The following ABCG8 variants were observed in gnomAD, a reference collection of about 807,000 sequenced individuals.
ABCG8 encodes the protein ATP-binding cassette sub-family G member 8.
In ABCG8, 81 loss-of-function variants were observed where a neutral mutation model predicts 71.3. The ratio of observed to expected loss-of-function variants is 1.14; its 90% CI spans 0.95 to 1.37. The LOEUF is 1.37. Among genes scored for constraint, ABCG8 ranks in the 40% most tolerant of loss-of-function variants. The pLI, the probability that ABCG8 is intolerant of heterozygous loss-of-function variation, is 0.00. For missense variants in ABCG8, 1,119 were observed against 866.2 expected (o/e 1.29, Z -3.66); for synonymous variants, 451 against 354.7 (o/e 1.27, Z -3.05).
chr2:43,876,066 C>T (rs1435854243), intron 11 of ABCG8, among the ~76,000 whole-genome samples: 1 of 152,178 alleles, frequency 6.6e-6, no homozygotes, highest in Non-Finnish European at 1.5e-5. Context: ...CCATACCATG[C>T]CACCTCCATA....
At chr2:43,862,087 GGTAAA>G in intron 6 of ABCG8, among the ~76,000 whole-genome samples, 1 of 149,978 alleles carries the variant, frequency 6.7e-6, no homozygotes, top group Middle Eastern at 3.6e-3. Context: ...TTACTCTCTT[GGTAAA>G]AATCTCACTA....
rs1232951681 is a variant in ABCG8 at position 43,872,081 on chromosome 2, A to G, written c.1070A>G (p.Asp357Gly). The stretch of plus-strand genomic sequence containing the variant: ...TTTCTAGAAAAAGTGCGTGACTTAG[A>G]TGACTTTCTATGGAAAGCAGAGACG... ...ALFLEKVRDL[D>G]DFLWKAETKD... is the part of the protein sequence containing the mutation. The change falls in exon 7 of 13, where the codon GAT becomes GGT. Residue 357 changes from aspartate (D) to glycine (G), a missense_variant. By Grantham distance (94) the Asp-to-Gly change is moderately conservative. Transcript: ENST00000272286. 1.2e-6 allele frequency: 2 copies of G among 1,614,004 alleles called. No individual in the cohort carries two copies. Among genetic ancestry groups the G allele is most frequent in the African/African-American group, 2.7e-5 (2 of 74,918 alleles).
chr2:43,859,898 A>C (rs1276713574), intron 6 of ABCG8, among the ~76,000 whole-genome samples: 27 of 151,358 alleles, frequency 1.8e-4, no homozygotes, highest in Non-Finnish European at 3.0e-5. Flanking sequence ...TCTGGATAGA[A>C]TTCTCATTCT....
intron 6 of ABCG8, among the ~76,000 whole-genome samples, chr2:43,861,881 A>G (rs151033893): frequency 8.3e-4 from 126 of 151,096 alleles, no homozygotes; most frequent in African/African-American, 2.9e-3. Flanking sequence ...TCTGCATTGA[A>G]ATCTCACTAT....
intron 6 of ABCG8, among the ~76,000 whole-genome samples, chr2:43,853,320 C>G (rs914141084): frequency 6.6e-5 from 10 of 152,298 alleles, no homozygotes; most frequent in East Asian, 5.8e-4. Flanking sequence ...CAGGGAATCT[C>G]TAGATGTGAA....
intron 6 of ABCG8, among the ~76,000 whole-genome samples, chr2:43,870,881 T>C (rs1669741492): frequency 6.6e-6 from 1 of 151,446 alleles, no homozygotes; most frequent in Non-Finnish European, 1.5e-5. Context: ...TCTCATTAGA[T>C]CTCTCACTGT....
At chr2:43,843,835 G>T (rs529355884) in intron 1 of ABCG8, among the ~76,000 whole-genome samples, 1 of 151,956 alleles carries the variant, frequency 6.6e-6, no homozygotes, top group African/African-American at 2.4e-5. Flanking sequence ...CCACCACTTC[G>T]ACAATAACAA....
At chr2:43,857,989 T>TGG (rs1669172215) in intron 6 of ABCG8, among the ~76,000 whole-genome samples, 2 of 150,914 alleles carry the variant, frequency 1.3e-5, no homozygotes, top group East Asian at 2.0e-4. Flanking sequence ...ACTATCTATC[T>TGG]ATAGAATTCT....
intron 6 of ABCG8, among the ~76,000 whole-genome samples, chr2:43,859,484 C>T (rs776344686): frequency 1.4e-5 from 2 of 148,094 alleles, no homozygotes; most frequent in South Asian, 4.3e-4. Context: ...TCTCACTCTG[C>T]ATAGAACTCT....
chr2:43,855,018 G>A lies in ABCG8; in HGVS notation c.964+2150G>A, dbSNP rs1035662571. On this transcript the variant is annotated intron_variant, in intron 6 of 12. Coordinates refer to ENST00000272286, the MANE Select transcript of ABCG8 (RefSeq NM_022437.3). Reference sequence around the variant, plus strand: ...GTGAGAAATCTACCTGAAGTTGGCCGGTCCCTAGAACCCTCCAGCCAGACA... The same window carrying A: ...GTGAGAAATCTACCTGAAGTTGGCCAGTCCCTAGAACCCTCCAGCCAGACA... 9.2e-5 allele frequency among the ~76,000 whole-genome samples: 14 copies of A among 152,174 alleles called. No homozygotes were observed. The South Asian group carries it at 1.7e-3, about 18-fold the overall frequency.
intron 1 of ABCG8, 95 bp downstream of exon 1, chr2:43,839,211 C>A: frequency 1.5e-6 from 2 of 1,317,530 alleles, no homozygotes; most frequent in Non-Finnish European, 2.1e-6. Context: ...GTCCTAGCAC[C>A]ACCCGGACAT....
chr2:43,845,121 A>ATATAAT (rs1553376737), intron 2 of ABCG8, among the ~76,000 whole-genome samples: 9 of 133,118 alleles, frequency 6.8e-5, no homozygotes, highest in South Asian at 2.4e-4. Context: ...TATATATATA[A>ATATAAT]TTTTTTTTTT....
rs4953029 is a variant in ABCG8 at position 43,882,368 on chromosome 2, C to A, written c.*4455C>A. The A allele has an allele frequency of 0.25, 38,647 of 152,138 alleles. 5,199 individuals are homozygous for A. Among genetic ancestry groups the A allele is most frequent in the East Asian group, 0.46 (2,372 of 5,164 alleles). 9.4% of individuals were successfully genotyped at this position (152,138 alleles called of 1,614,324 possible). A position where few individuals can be genotyped will look rare whatever the true frequency, so the allele number is the denominator to read the frequency against. On this transcript the variant is annotated 3_prime_UTR_variant, in exon 13 of 13. Coordinates refer to ENST00000272286, the MANE Select transcript of ABCG8 (RefSeq NM_022437.3). ...TGGGACCAGGGGTTCCTCATAGTGGCTTAGCACAGCATACAGACCACTTTC... is the reference window on the plus strand; with the variant it reads ...TGGGACCAGGGGTTCCTCATAGTGGATTAGCACAGCATACAGACCACTTTC...
chr2:43,839,401 CTCTTTTTTTTTTTTTTTTT>C, intron 1 of ABCG8, among the ~76,000 whole-genome samples: 1 of 74,728 alleles, frequency 1.3e-5, no homozygotes, highest in Non-Finnish European at 2.9e-5. Flanking sequence ...TTCTTTTCTT[CTCTTTTTTTTTTTTTTTTT>C]TTTTTTTTTT....
At position 43,839,403 on chromosome 2, in the gene ABCG8, C is replaced by CTTTTTTTTTTTTT. The variant is rs537784677; in HGVS notation, c.63+316_63+328dup. ...CACTTTTTCTTTTTTCTTTTCTTCTCTTTTTTTTTTTTTTTTTTTTTTTTT... is the reference window on the plus strand; with the variant it reads ...CACTTTTTCTTTTTTCTTTTCTTCTCTTTTTTTTTTTTTTTTTTTTTTTTTTTTTTTTTTTTTT... On this transcript the variant is annotated intron_variant, in intron 1 of 12. Transcript: ENST00000272286. Among the ~76,000 whole-genome samples the CTTTTTTTTTTTTT allele has an allele frequency of 3.5e-4, 21 of 59,308 alleles. 4 individuals carry two copies. The highest frequency in any genetic ancestry group is 1.4e-3 in the Admixed American group (5 of 3,500). 38.9% of individuals were successfully genotyped at this position (59,308 alleles called of 152,430 possible).
intron 1 of ABCG8, among the ~76,000 whole-genome samples, chr2:43,840,491 C>T (rs957205675): frequency 2.2e-4 from 34 of 152,184 alleles, no homozygotes; most frequent in African/African-American, 7.2e-4. Context: ...CCCTTCTGTC[C>T]GATCCTGTCA....
chr2:43,843,586 T>G (rs1222504592), intron 1 of ABCG8, among the ~76,000 whole-genome samples: 1 of 151,980 alleles, frequency 6.6e-6, no homozygotes, highest in Non-Finnish European at 1.5e-5. Context: ...CCTGAGAGGT[T>G]GAGGATGCAG....
intron 1 of ABCG8, among the ~76,000 whole-genome samples, chr2:43,842,880 A>T (rs897068032): frequency 7.2e-5 from 11 of 152,006 alleles, no homozygotes; most frequent in African/African-American, 2.7e-4. Flanking sequence ...CAGAACTCTA[A>T]GGGTTCCCCA....
intron 6 of ABCG8, among the ~76,000 whole-genome samples, chr2:43,860,713 C>T (rs1476462047): frequency 3.3e-5 from 5 of 150,264 alleles, no homozygotes; most frequent in Non-Finnish European, 7.4e-5. Context: ...AATTCTCACC[C>T]TCTGGATGGA....
Sources: gnomAD v4.1 joint callset for allele counts (sites outside exome capture counted in the v4.1 genomes callset) on GRCh38, gnomAD v4.1.1 for gene constraint, MANE v1.5 for transcripts, NCBI Gene and HGNC (gene_info 2026-07-23, HGNC 2026-07-21) for gene names.